Variants in DSE observed in about 807,000 individuals in gnomAD.
The protein encoded by DSE is dermatan-sulfate epimerase.
A neutral mutation model predicts 84.4 loss-of-function variants in DSE; 36 were observed. The observed-to-expected ratio is 0.43, with a 90% confidence interval of 0.33 to 0.56. The LOEUF is 0.56. DSE is among the 20% of genes least tolerant of loss of function. The pLI, the probability that DSE is intolerant of heterozygous loss-of-function variation, is 0.06. For synonymous variants in DSE, 410 were observed against 430.1 expected, an observed-to-expected ratio of 0.95 and a Z score of 0.58; for missense variants, 862 against 1,169.6, an observed-to-expected ratio of 0.74 and a Z score of 3.84.
At position 116,436,620 on chromosome 6, in the gene DSE, A is replaced by G. The variant is rs751487700; in HGVS notation, c.2152A>G (p.Lys718Glu). The change falls in exon 6 of 6, where the codon AAA becomes GAA. Residue 718 changes from lysine (K) to glutamate (E), a missense_variant. Coordinates refer to ENST00000644252, the MANE Select transcript of DSE (RefSeq NM_013352.4). ...AFAQVIADRH[K>E]ILFDRNSAIK... is the part of the protein sequence containing the mutation. ...TGCACAGGTCATTGCTGATCGTCAC[A>G]AAATTCTGTTTGACCGGAATTCAGC... The G allele has an allele frequency of 1.9e-6, 3 of 1,614,172 alleles. No homozygotes were observed. The Admixed American group carries it at 5.0e-5, about 27-fold the overall frequency.
chr6:116,320,003 C>T (rs1332929192), intron 2 of DSE, among the ~76,000 whole-genome samples: 1 of 152,192 alleles, frequency 6.6e-6, no homozygotes, highest in Admixed American at 6.5e-5. Flanking sequence ...TCTCATAGCA[C>T]CTGATGCATT....
At position 116,328,161 on chromosome 6, in the gene DSE, T is replaced by G. The variant is rs147355393; in HGVS notation, c.-54+69194T>G. 5.0e-4 allele frequency among the ~76,000 whole-genome samples: 76 copies of G among 152,370 alleles called. 1 individual carries two copies. Among genetic ancestry groups the G allele is most frequent in the African/African-American group, 1.8e-3 (75 of 41,584 alleles). The stretch of plus-strand genomic sequence containing the variant: ...ATTAAGAAAGACGTAGTTTAGTTCC[T>G]TCAACCAAATTTGTCAATGAAACAT... On this transcript the variant is annotated intron_variant, in intron 2 of 3. Coordinates refer to the DSE transcript ENST00000430252.
intron 1 of DSE, among the ~76,000 whole-genome samples, chr6:116,395,163 C>T (rs149711870): frequency 0.011 from 1,716 of 150,560 alleles, 41 homozygotes; most frequent in African/African-American, 0.038. Flanking sequence ...CGGTGGCGCA[C>T]GCCTGTAATC....
chr6:116,319,727 T>C (rs1776192181), intron 2 of DSE, among the ~76,000 whole-genome samples: 1 of 152,258 alleles, frequency 6.6e-6, no homozygotes. Context: ...TGAGGCTCTG[T>C]TGATCTGACA....
At chr6:116,273,458 G>A (rs559592804) in intron 2 of DSE, among the ~76,000 whole-genome samples, 3 of 152,140 alleles carry the variant, frequency 2.0e-5, no homozygotes, top group African/African-American at 7.2e-5. Flanking sequence ...AGAAAGTACT[G>A]CTTCCAAGTA....
chr6:116,387,025 A>G (rs1780619622), intron 1 of DSE, among the ~76,000 whole-genome samples: 1 of 152,236 alleles, frequency 6.6e-6, no homozygotes, highest in East Asian at 1.9e-4. Flanking sequence ...TTCATAAATG[A>G]GTGAACCAGA....
At chr6:116,397,488 T>G (rs1010180689) in intron 1 of DSE, among the ~76,000 whole-genome samples, 1 of 152,192 alleles carries the variant, frequency 6.6e-6, no homozygotes, top group African/African-American at 2.4e-5. Context: ...ATTACAGGCA[T>G]GAGCCACCGT....
intron 2 of DSE, among the ~76,000 whole-genome samples, chr6:116,262,103 G>T (rs1772438097): frequency 6.6e-6 from 1 of 152,270 alleles, no homozygotes; most frequent in East Asian, 1.9e-4. Flanking sequence ...GATGATGTTG[G>T]CCTCATAGAA....
intron 2 of DSE, among the ~76,000 whole-genome samples, chr6:116,331,651 GGAA>G (rs1249001415): frequency 6.6e-6 from 1 of 152,112 alleles, no homozygotes; most frequent in East Asian, 1.9e-4. Context: ...AGTGTGGTAA[GGAA>G]GAAGAATTGA....
At chr6:116,282,145 C>A (rs985415490) in intron 2 of DSE, among the ~76,000 whole-genome samples, 1 of 152,152 alleles carries the variant, frequency 6.6e-6, no homozygotes, top group African/African-American at 2.4e-5. Flanking sequence ...GGCTTTACTT[C>A]GTTTCTGTCT....
intron 2 of DSE, chr6:116,258,992 T>A (rs763765546): frequency 6.7e-7 from 1 of 1,493,824 alleles, no homozygotes; most frequent in Non-Finnish European, 9.3e-7. Context: ...TATTTCTCCT[T>A]CACTGCAATG....
intron 2 of DSE, among the ~76,000 whole-genome samples, chr6:116,406,470 C>A (rs1781936257): frequency 6.6e-6 from 1 of 152,196 alleles, no homozygotes; most frequent in African/African-American, 2.4e-5. Context: ...GCAAGTGCCG[C>A]ATGTATGTCT....
intron 2 of DSE, among the ~76,000 whole-genome samples, chr6:116,417,192 G>A (rs1433113098): frequency 6.6e-6 from 1 of 152,082 alleles, no homozygotes; most frequent in Non-Finnish European, 1.5e-5. Context: ...TTGAATATTA[G>A]GGCAAAGTAT....
At chr6:116,279,056 G>A (rs1448035634) in intron 2 of DSE, 1 of 1,613,030 alleles carries the variant, frequency 6.2e-7, no homozygotes, top group Non-Finnish European at 8.5e-7. Context: ...CGACGCATCC[G>A]CCCAAACTTG....
At chr6:116,332,472 G>A (rs921860714) in intron 2 of DSE, among the ~76,000 whole-genome samples, 4 of 151,948 alleles carry the variant, frequency 2.6e-5, no homozygotes, top group African/African-American at 9.7e-5. Flanking sequence ...AACAGGTATA[G>A]ACAAGACACT....
At chr6:116,391,321 T>G (rs1242252409) in intron 1 of DSE, among the ~76,000 whole-genome samples, 6 of 152,306 alleles carry the variant, frequency 3.9e-5, no homozygotes, top group Non-Finnish European at 7.3e-5. Context: ...TTATACATGG[T>G]GTGGTTTTGC....
chr6:116,324,547 G>C (rs1166729635), intron 2 of DSE, among the ~76,000 whole-genome samples: 1 of 152,200 alleles, frequency 6.6e-6, no homozygotes, highest in Non-Finnish European at 1.5e-5. Context: ...CTTTAGAATA[G>C]GATAGTTGCA....
chr6:116,407,659 C>T (rs1332159496), intron 2 of DSE, among the ~76,000 whole-genome samples: 1 of 152,158 alleles, frequency 6.6e-6, no homozygotes, highest in Non-Finnish European at 1.5e-5. Context: ...CTCTTCCCTC[C>T]CCTTGCTCTG....
At chr6:116,258,786 C>T in exon 2 of DSE, 1 of 1,610,136 alleles carries the variant, frequency 6.2e-7, no homozygotes, top group Non-Finnish European at 8.5e-7. Context: ...TCACCAGGAC[C>T]TGCAGAGGGT....
Sources: gnomAD v4.1 joint callset for allele counts (sites outside exome capture counted in the v4.1 genomes callset) on GRCh38, gnomAD v4.1.1 for gene constraint, MANE v1.5 for transcripts, NCBI Gene and HGNC (gene_info 2026-07-23, HGNC 2026-07-21) for gene names.